The following NUMA1 variants were observed in gnomAD, a reference collection of about 807,000 sequenced individuals.
The protein encoded by NUMA1 is SP-H antigen.
NUMA1 carries 62 observed loss-of-function variants against 237.1 expected under a neutral mutation model. That is an observed-to-expected ratio of 0.26 (90% CI 0.21 to 0.32). The LOEUF (loss-of-function observed/expected upper bound fraction) is 0.32. Ranked by LOEUF, NUMA1 falls within the 10% of genes least tolerant of loss-of-function variation. The pLI, the probability that NUMA1 is intolerant of heterozygous loss-of-function variation, is 1.00. For missense variants in NUMA1, 2,533 were observed against 2,666.5 expected, an observed-to-expected ratio of 0.95 and a Z score of 1.10; for synonymous variants, 1,028 against 1,066.1, an observed-to-expected ratio of 0.96 and a Z score of 0.70.
intron 20 of NUMA1, chr11:72,007,707 A>G (rs1396079619): frequency 1.6e-5 from 8 of 502,114 alleles, no homozygotes; most frequent in Admixed American, 1.1e-4. Context: ...CTTCACAGCA[A>G]ACACGTCCCA....
chr11:72,074,837 C>T (rs184301838), intron 1 of NUMA1, among the ~76,000 whole-genome samples: 2 of 152,172 alleles, frequency 1.3e-5, no homozygotes, highest in Non-Finnish European at 1.5e-5. Context: ...AGTTCGAGAC[C>T]AGCCTGGGCA....
chr11:72,004,536 G>T, intron 24 of NUMA1, 104 bp downstream of exon 24: 1 of 1,307,556 alleles, frequency 7.6e-7, no homozygotes, highest in African/African-American at 1.5e-5. Context: ...GGGAAAGAGA[G>T]GGGGAAGTGA....
chr11:72,010,881 A>T, intron 16 of NUMA1, 27 bp from the exon 17 acceptor site: 1 of 1,596,758 alleles, frequency 6.3e-7, no homozygotes. Context: ...AGGACAGAAG[A>T]CTCAGGAGGA....
rs1187154430 is a variant in NUMA1, at chr11:72,015,965, G to A, written c.1538C>T (p.Thr513Ile). The change falls in exon 15 of 27, where the codon ACC becomes ATC. Residue 513 changes from threonine to isoleucine, a missense_variant. Physicochemically the swap from Thr to Ile is moderately conservative, Grantham distance 89. Coordinates refer to ENST00000393695, the MANE Select transcript of NUMA1 (RefSeq NM_006185.4). The surrounding 1 kb of genome is among the most constrained non-coding windows in gnomAD (Gnocchi z 4.0). ...LTSELTTLNA[T>I]IQQQDQELAG... ...CAGTTCTTGATCCTGTTGCTGGATG[G>A]TGGCATTGAGTGTGGTGAGCTCAGA... 6 of 1,614,106 alleles carry A rather than the reference G, an allele frequency of 3.7e-6. No homozygotes were observed. The highest frequency in any genetic ancestry group is 1.7e-4 in the Middle Eastern group (1 of 6,060).
At chr11:72,016,689 G>A (rs1470166210) in intron 13 of NUMA1, 159 bp from the exon 14 acceptor site, 4 of 825,900 alleles carry the variant, frequency 4.8e-6, no homozygotes, top group East Asian at 5.1e-5. Flanking sequence ...GGAACTGGGA[G>A]CATGAGGGAC....
intron 2 of NUMA1, among the ~76,000 whole-genome samples, chr11:72,036,903 C>T (rs1395466104): frequency 6.6e-6 from 1 of 152,154 alleles, no homozygotes; most frequent in Non-Finnish European, 1.5e-5. Flanking sequence ...TGAGCCCTGC[C>T]CCCATCTCCT....
At chr11:72,073,306 CAAA>C (rs58179034) in intron 1 of NUMA1, among the ~76,000 whole-genome samples, 8 of 69,226 alleles carry the variant, frequency 1.2e-4, no homozygotes, top group Non-Finnish European at 1.3e-4. Context: ...GACCCTGTCT[CAAA>C]AAAAAAAAAA....
chr11:72,034,435 G>A (rs535793433), intron 3 of NUMA1, among the ~76,000 whole-genome samples: 68 of 151,922 alleles, frequency 4.5e-4, no homozygotes, highest in Non-Finnish European at 8.7e-4. Context: ...CTGGCCAGGC[G>A]TGGTGGCTCA....
chr11:72,013,959 G>C lies in NUMA1; in HGVS notation c.3544C>G (p.Gln1182Glu), dbSNP rs772480322. ...EEKAQELGHS[Q>E]SALASAQREL... Reference sequence around the variant, plus strand: ...CGTTGGGCCGAGGCTAAGGCACTCTGACTGTGCCCTAGCTCCTGGGCCTTC... The same window carrying C: ...CGTTGGGCCGAGGCTAAGGCACTCTCACTGTGCCCTAGCTCCTGGGCCTTC... The change falls in exon 15 of 27, where the codon CAG becomes GAG. Residue 1182 changes from glutamine to glutamate, a missense_variant. Gln to Glu is a conservative substitution (Grantham distance 29, BLOSUM62 2). Around this residue, in one of 3 missense-constraint regions of NUMA1, gnomAD observed 1,414 missense variants for 1,508.1 expected, o/e 0.94. Transcript: ENST00000393695. The surrounding 1 kb of genome is among the most constrained non-coding windows in gnomAD (Gnocchi z 6.8). 3.1e-6 allele frequency: 5 copies of C among 1,613,592 alleles called. No homozygotes were observed. In the African/African-American group the frequency reaches 5.3e-5, roughly 17 times the overall value.
chr11:72,015,201 C>T lies in NUMA1; in HGVS notation c.2302G>A (p.Glu768Lys), dbSNP rs1454504918. 1.9e-6 allele frequency: 3 copies of T among 1,613,444 alleles called. No individual in the cohort carries two copies. The highest frequency in any genetic ancestry group is 1.7e-5 in the Admixed American group (1 of 60,018). ...TCCCCAAGCTGCTGTAATCGAGCCT[C>T]CAGCCCCTTGCGCCCAGCCCTCTCT... ...EEERAGRKGL[E>K]ARLQQLGEAH... Residue 768 changes from glutamate (E) to lysine (K), a missense_variant, in exon 15 of 27, where the codon GAG becomes AAG. Transcript: ENST00000393695. The surrounding 1 kb of genome is among the most constrained non-coding windows in gnomAD (Gnocchi z 4.0).
At position 72,017,724 on chromosome 11, in the gene NUMA1, T is replaced by C. The variant is rs200776294; in HGVS notation, c.1082A>G (p.Gln361Arg). 8 of 1,613,376 alleles carry C rather than the reference T, an allele frequency of 5.0e-6. No homozygotes were observed. The highest frequency in any genetic ancestry group is 6.8e-6 in the Non-Finnish European group (8 of 1,180,034). Reference sequence around the variant, plus strand: ...GGCTGCGCTGAGCTCCTTCTCCAGCTGGGCCTGCTTCTCTAGCCACTCCTG... The same window carrying C: ...GGCTGCGCTGAGCTCCTTCTCCAGCCGGGCCTGCTTCTCTAGCCACTCCTG... ...ATQEWLEKQAQLEKELSAALQ... is the reference protein window; with the variant it reads ...ATQEWLEKQARLEKELSAALQ... The change falls in exon 13 of 27, where the codon CAG becomes CGG. Residue 361 changes from glutamine (Q) to arginine (R), a missense_variant. By Grantham distance (43) the Gln-to-Arg change is conservative. Transcript: ENST00000393695.
chr11:72,004,377 AGAG>A, intron 24 of NUMA1, 36 bp from the exon 25 acceptor site: 1 of 1,575,352 alleles, frequency 6.3e-7, no homozygotes, highest in Non-Finnish European at 8.7e-7. Flanking sequence ...GACAGTAGCA[AGAG>A]GAGTCACATC....
intron 20 of NUMA1, chr11:72,007,686 G>A: frequency 1.8e-6 from 1 of 541,088 alleles, no homozygotes; most frequent in Non-Finnish European, 3.3e-6. Context: ...CCCACCAGAT[G>A]CCCATGGCTG....
At chr11:72,067,865 T>C (rs1943268059) in intron 2 of NUMA1, 1 of 152,214 alleles carries the variant, frequency 6.6e-6, no homozygotes, top group Non-Finnish European at 1.5e-5. Context: ...ATTTAACTGA[T>C]GAGTTTTCAA....
At chr11:72,028,497 C>T (rs1295272149) in intron 4 of NUMA1, among the ~76,000 whole-genome samples, 1 of 135,750 alleles carries the variant, frequency 7.4e-6, no homozygotes, top group Non-Finnish European at 1.6e-5. Context: ...CTGACCTATG[C>T]TTGGTCCCAG....
intron 2 of NUMA1, among the ~76,000 whole-genome samples, chr11:72,064,720 C>T (rs1943124811): frequency 6.6e-6 from 1 of 152,066 alleles, no homozygotes; most frequent in Admixed American, 6.5e-5. Context: ...GTAGTCCTAG[C>T]TATTTGGGAG....
chr11:72,028,453 A>T (rs1054398036), intron 4 of NUMA1, among the ~76,000 whole-genome samples: 1 of 118,506 alleles, frequency 8.4e-6, no homozygotes, highest in African/African-American at 4.5e-5. Context: ...TTTTTCTTAA[A>T]AAAAAAAAAA....
chr11:72,054,004 G>A (rs887548459), intron 2 of NUMA1, among the ~76,000 whole-genome samples: 1 of 152,162 alleles, frequency 6.6e-6, no homozygotes. Flanking sequence ...AGAGACTTGA[G>A]CATCCAAGGA....
At chr11:72,078,600 C>CCTGA (rs1943828533) in intron 1 of NUMA1, among the ~76,000 whole-genome samples, 1 of 152,236 alleles carries the variant, frequency 6.6e-6, no homozygotes, top group Non-Finnish European at 1.5e-5. Context: ...TCTTAACGAG[C>CCTGA]TTTCAGGTAA....
Sources: allele counts gnomAD v4.1 joint callset (sites outside exome capture counted in the v4.1 genomes callset), GRCh38; gene constraint gnomAD v4.1.1; regional missense constraint gnomAD v4.1.1; non-coding constraint Gnocchi (gnomAD v3.1); transcripts MANE v1.5; gene names NCBI Gene and HGNC (gene_info 2026-07-23, HGNC 2026-07-21).